The following CSMD1 variants were observed in gnomAD, a reference collection of about 807,000 sequenced individuals.
CSMD1 encodes CUB and sushi domain-containing protein 1.
In CSMD1, 213 loss-of-function variants were observed where a neutral mutation model predicts 417.5. That is an observed-to-expected ratio of 0.51 (90% CI 0.46 to 0.57). The LOEUF (loss-of-function observed/expected upper bound fraction) is 0.57, where lower values mean the gene tolerates loss of function less well. Ranked by LOEUF, CSMD1 falls within the 20% of genes least tolerant of loss-of-function variation. The pLI is 0.00. For missense variants in CSMD1, 6,923 were observed against 4,529.7 expected, an observed-to-expected ratio of 1.53 and a Z score of -15.17; for synonymous variants, 2,862 against 1,736.8, an observed-to-expected ratio of 1.65 and a Z score of -16.11.
At chr8:3,724,524 A>T (rs2129045576) in intron 6 of CSMD1, among the ~76,000 whole-genome samples, 1 of 152,150 alleles carries the variant, frequency 6.6e-6, no homozygotes, top group East Asian at 1.9e-4. Flanking sequence ...ATTTTCAACC[A>T]TTTTCAAAAG....
chr8:4,959,575 A>G (rs753298720), intron 1 of CSMD1, among the ~76,000 whole-genome samples: 2 of 152,192 alleles, frequency 1.3e-5, no homozygotes, highest in Non-Finnish European at 2.9e-5. Context: ...TTATCACCCG[A>G]TACCTATCTA....
chr8:2,985,608 T>G (rs1164632964), intron 54 of CSMD1, among the ~76,000 whole-genome samples: 1 of 152,232 alleles, frequency 6.6e-6, no homozygotes, highest in Non-Finnish European at 1.5e-5. Context: ...AAAAAAATAT[T>G]CAATGAAGTA....
At chr8:3,329,031 A>T (rs2117527079) in intron 23 of CSMD1, among the ~76,000 whole-genome samples, 1 of 152,280 alleles carries the variant, frequency 6.6e-6, no homozygotes, top group Non-Finnish European at 1.5e-5. Context: ...GAAAAAATTT[A>T]CCTAAATATG....
chr8:3,109,439 ACT>A (rs938226269), intron 43 of CSMD1, among the ~76,000 whole-genome samples: 9 of 151,728 alleles, frequency 5.9e-5, no homozygotes, highest in African/African-American at 1.2e-4. Context: ...GTTTCTCCTC[ACT>A]CTCACATCCA....
intron 5 of CSMD1, among the ~76,000 whole-genome samples, chr8:3,981,183 T>G (rs980593276): frequency 6.6e-6 from 1 of 152,184 alleles, no homozygotes; most frequent in Non-Finnish European, 1.5e-5. Context: ...CAAGAATGGG[T>G]ATCTCCATAG....
chr8:3,833,419 G>C (rs1054035227), intron 5 of CSMD1, among the ~76,000 whole-genome samples: 2 of 151,716 alleles, frequency 1.3e-5, no homozygotes, highest in Admixed American at 1.3e-4. Context: ...TTTTAATTTT[G>C]CCATATTTTA....
intron 1 of CSMD1, among the ~76,000 whole-genome samples, chr8:4,717,582 C>A (rs1013974813): frequency 2.2e-5 from 3 of 136,672 alleles, no homozygotes; most frequent in Non-Finnish European, 4.9e-5. Flanking sequence ...ATCCATCCAT[C>A]CATACATCCA....
intron 1 of CSMD1, among the ~76,000 whole-genome samples, chr8:4,912,450 T>G (rs1041273338): frequency 1.3e-5 from 2 of 151,700 alleles, no homozygotes; most frequent in Non-Finnish European, 2.9e-5. Context: ...GGATTGAAGG[T>G]GAAAACGGGA....
At chr8:3,936,094 G>C (rs891365027) in intron 5 of CSMD1, among the ~76,000 whole-genome samples, 2 of 151,644 alleles carry the variant, frequency 1.3e-5, no homozygotes, top group Non-Finnish European at 2.9e-5. Context: ...ATTTTCTTAA[G>C]CCAAAGCCTA....
At chr8:2,969,936 A>C (rs1169584285) in intron 57 of CSMD1, among the ~76,000 whole-genome samples, 1 of 152,138 alleles carries the variant, frequency 6.6e-6, no homozygotes, top group Non-Finnish European at 1.5e-5. Flanking sequence ...GCAGTTTTAG[A>C]AGTAATCAAT....
chr8:4,239,891 T>C (rs1186601616), intron 3 of CSMD1, among the ~76,000 whole-genome samples: 1 of 152,206 alleles, frequency 6.6e-6, no homozygotes, highest in Non-Finnish European at 1.5e-5. Context: ...TTTGCAGCAT[T>C]AGCAATTTGC....
At chr8:3,370,932 C>T (rs191586640) in intron 18 of CSMD1, among the ~76,000 whole-genome samples, 86 of 151,854 alleles carry the variant, frequency 5.7e-4, no homozygotes, top group Middle Eastern at 3.4e-3. Flanking sequence ...GCTGAGATCA[C>T]GCCATTGCAC....
intron 3 of CSMD1, among the ~76,000 whole-genome samples, chr8:4,362,670 A>G (rs1486556065): frequency 6.6e-6 from 1 of 152,224 alleles, no homozygotes; most frequent in African/African-American, 2.4e-5. Flanking sequence ...AGGACAGTGA[A>G]ATAAAAGAAA....
chr8:3,765,635 C>G (rs1047323152), intron 5 of CSMD1, among the ~76,000 whole-genome samples: 2 of 152,136 alleles, frequency 1.3e-5, no homozygotes, highest in Non-Finnish European at 2.9e-5. Context: ...AGAAGTGAAC[C>G]CTAAGATGAT....
At chr8:3,275,173 C>A (rs991285263) in intron 26 of CSMD1, among the ~76,000 whole-genome samples, 3 of 152,132 alleles carry the variant, frequency 2.0e-5, no homozygotes, top group African/African-American at 7.2e-5. Flanking sequence ...TATTTTATTT[C>A]TCCTTCACTT....
intron 2 of CSMD1, among the ~76,000 whole-genome samples, chr8:4,575,823 A>G (rs1364423477): frequency 6.6e-6 from 1 of 152,178 alleles, no homozygotes; most frequent in Non-Finnish European, 1.5e-5. Flanking sequence ...TGAGGTCGCA[A>G]TGTCCTTAGA....
chr8:3,182,918 T>G (rs1238908102), intron 36 of CSMD1: 1 of 86,034 alleles, frequency 1.2e-5, no homozygotes, highest in Non-Finnish European at 2.4e-5. Flanking sequence ...GAGAAGGGGT[T>G]GTTAGTAGAG....
intron 5 of CSMD1, among the ~76,000 whole-genome samples, chr8:3,851,302 G>A (rs1010706544): frequency 1.4e-4 from 21 of 152,280 alleles, no homozygotes; most frequent in Admixed American, 7.8e-4. Context: ...TTTTCATATT[G>A]ACATTACACA....
At chr8:4,739,076 GCACA>G (rs533898998) in intron 1 of CSMD1, among the ~76,000 whole-genome samples, 2 of 151,754 alleles carry the variant, frequency 1.3e-5, no homozygotes, top group African/African-American at 2.4e-5. Context: ...ACACACATGT[GCACA>G]CACACATACA....
Sources: allele counts gnomAD v4.1 joint callset (sites outside exome capture counted in the v4.1 genomes callset), GRCh38; gene constraint gnomAD v4.1.1; transcripts MANE v1.5; gene names NCBI Gene and HGNC (gene_info 2026-07-23, HGNC 2026-07-21).